The following COL5A2 variants were observed in gnomAD, a reference collection of about 807,000 sequenced individuals.
COL5A2 encodes collagen type V alpha 2 chain, also known as collagen alpha-2(V) chain.
COL5A2 carries 23 observed loss-of-function variants against 208.2 expected under a neutral mutation model. The observed-to-expected ratio is 0.11, with a 90% CI of 0.08 to 0.16. The LOEUF is 0.16. Ranked by LOEUF, COL5A2 falls within the 10% of genes least tolerant of loss-of-function variation. COL5A2 has a pLI of 1.00. For synonymous variants in COL5A2, 625 were observed against 628.5 expected (o/e 0.99, Z 0.08); for missense variants, 1,590 against 1,956.4 (o/e 0.81, Z 3.53).
chr2:189,139,341 G>A (rs951155373), intron 1 of COL5A2, among the ~76,000 whole-genome samples: 3 of 152,062 alleles, frequency 2.0e-5, no homozygotes, highest in African/African-American at 4.8e-5. Flanking sequence ...GTTGATAGTT[G>A]AGAATGGCAC....
the COL5A2 span, among the ~76,000 whole-genome samples, chr2:189,271,309 T>C: frequency 2.2e-4 from 34 of 151,852 alleles, no homozygotes; most frequent in Non-Finnish European, 3.8e-4. Flanking sequence ...CCAACACAGA[T>C]ATATAGACCA....
chr2:189,053,900 T>G lies in COL5A2; in HGVS notation c.2494A>C (p.Asn832His), dbSNP rs1576496167. 18 of 1,613,742 alleles carry G rather than the reference T, an allele frequency of 1.1e-5. No homozygotes were observed. The highest frequency in any genetic ancestry group is 1.5e-5 in the Non-Finnish European group (18 of 1,179,716). ...ACCAAAATACTGTCACTTACAGGAT[T>G]GCCCCGGGAGCCAGGAGGGCCAACT... ...GLVGPPGSRG[N>H]PGSRGENGPT... Residue 832 changes from asparagine (N) to histidine (H), a missense_variant, in exon 37 of 54, where the codon AAT (asparagine) becomes CAT (histidine). Coordinates refer to ENST00000374866, the MANE Select transcript of COL5A2 (RefSeq NM_000393.5).
chr2:189,102,273 T>C (rs1423198109), intron 3 of COL5A2, among the ~76,000 whole-genome samples: 1 of 152,112 alleles, frequency 6.6e-6, no homozygotes, highest in Non-Finnish European at 1.5e-5. Flanking sequence ...TTGCTTTATA[T>C]GTAGGGGAAT....
chr2:189,313,130 G>A, the COL5A2 span, among the ~76,000 whole-genome samples: 1 of 152,092 alleles, frequency 6.6e-6, no homozygotes, highest in African/African-American at 2.4e-5. Context: ...AAGACTGCCT[G>A]TCTGACAAGA....
the COL5A2 span, chr2:189,311,698 C>T: frequency 1.3e-6 from 1 of 753,676 alleles, no homozygotes. Context: ...CCTCAGTGGA[C>T]TGCATGGTGA....
At chr2:189,209,588 T>C (rs1689186361) in intron 1 of COL5A2, among the ~76,000 whole-genome samples, 1 of 152,198 alleles carries the variant, frequency 6.6e-6, no homozygotes, top group South Asian at 2.1e-4. Flanking sequence ...CCTCAGTCTT[T>C]TGGTTCTAAA....
intron 1 of COL5A2, among the ~76,000 whole-genome samples, chr2:189,218,844 C>T (rs765363785): frequency 2.0e-5 from 3 of 151,566 alleles, no homozygotes; most frequent in African/African-American, 7.3e-5. Flanking sequence ...GATAAATGCA[C>T]GAGATATTCT....
intron 12 of COL5A2, among the ~76,000 whole-genome samples, chr2:189,083,308 G>T (rs982222272): frequency 3.3e-5 from 5 of 152,118 alleles, no homozygotes; most frequent in African/African-American, 1.2e-4. Context: ...TTCAGAGAAC[G>T]GCAAAGGGGC....
the COL5A2 span, among the ~76,000 whole-genome samples, chr2:189,426,519 T>C: frequency 6.6e-6 from 1 of 152,236 alleles, no homozygotes; most frequent in East Asian, 1.9e-4. Context: ...CATATGTTGA[T>C]TGATGTCTCA....
chr2:189,401,620 G>A, the COL5A2 span, among the ~76,000 whole-genome samples: 1 of 152,094 alleles, frequency 6.6e-6, no homozygotes, highest in Non-Finnish European at 1.5e-5. Flanking sequence ...TCTGCCTCTA[G>A]GTCTTTGAGG....
chr2:189,109,146 T>C (rs962130949), intron 2 of COL5A2, among the ~76,000 whole-genome samples: 3 of 151,864 alleles, frequency 2.0e-5, no homozygotes, highest in Non-Finnish European at 4.4e-5. Flanking sequence ...TGAAGGAGAC[T>C]GTATATTTTG....
chr2:189,407,509 T>C, the COL5A2 span, among the ~76,000 whole-genome samples: 34 of 152,170 alleles, frequency 2.2e-4, no homozygotes, highest in African/African-American at 7.5e-4. Context: ...TACTACATTA[T>C]TTGGCTTTGT....
the COL5A2 span, among the ~76,000 whole-genome samples, chr2:189,394,784 A>G: frequency 3.3e-5 from 5 of 152,352 alleles, no homozygotes; most frequent in South Asian, 4.1e-4. Flanking sequence ...AAGGTATACA[A>G]TAAAATGAGG....
At chr2:189,073,180 T>C (rs1461913693) in intron 17 of COL5A2, among the ~76,000 whole-genome samples, 4 of 152,120 alleles carry the variant, frequency 2.6e-5, no homozygotes, top group African/African-American at 9.7e-5. Context: ...ATCATGAATA[T>C]TTCCTACAAT....
chr2:189,114,815 A>G (rs961386260), intron 1 of COL5A2, among the ~76,000 whole-genome samples: 1 of 152,036 alleles, frequency 6.6e-6, no homozygotes, highest in Non-Finnish European at 1.5e-5. Context: ...ACGTTTACCT[A>G]TGTAACAAAC....
the COL5A2 span, among the ~76,000 whole-genome samples, chr2:189,337,917 T>C: frequency 6.6e-6 from 1 of 152,170 alleles, no homozygotes; most frequent in Non-Finnish European, 1.5e-5. Context: ...CAGTAGACAG[T>C]GTTTGAAGGA....
At position 189,084,045 on chromosome 2, in the gene COL5A2, G is replaced by GA. The variant is rs1169314276; in HGVS notation, c.799-9dup. The GA allele has an allele frequency of 3.7e-6, 6 of 1,609,998 alleles. No individual in the cohort carries two copies. Among genetic ancestry groups the GA allele is most frequent in the Non-Finnish European group, 5.1e-6 (6 of 1,176,576 alleles). On this transcript the variant is annotated splice_polypyrimidine_tract_variant and intron_variant, in intron 11 of 53. Transcript: ENST00000374866. ...ATTTCTGCCAGGTTCACCCTTTATG[G>GA]AAAAAAATGTAGGAGATTGGGAAGG...
Position 189,039,458 on chromosome 2 carries a change from G to T in COL5A2, c.3739C>A (p.Pro1247Thr), listed in dbSNP as rs1243023432. 6 of 1,613,960 alleles carry T rather than the reference G, an allele frequency of 3.7e-6. No individual in the cohort carries two copies. The highest frequency in any genetic ancestry group is 5.1e-6 in the Non-Finnish European group (6 of 1,180,028). Residue 1247 changes from proline (P) to threonine (T), a missense_variant, in exon 51 of 54, where the codon CCA becomes ACA. By Grantham distance (38) the Pro-to-Thr change is conservative. Transcript: ENST00000374866. Reference sequence around the variant, plus strand: ...TGATCTTCAGTAAACTCAGGAAGTGGATCTGGCATGCTTTCATCATAGTGC... The same window carrying T: ...TGATCTTCAGTAAACTCAGGAAGTGTATCTGGCATGCTTTCATCATAGTGC... ...MGHYDESMPDPLPEFTEDQAA... is the reference protein window; with the variant it reads ...MGHYDESMPDTLPEFTEDQAA...
chr2:189,132,129 T>C (rs1430935386), intron 1 of COL5A2, among the ~76,000 whole-genome samples: 1 of 152,254 alleles, frequency 6.6e-6, no homozygotes, highest in Non-Finnish European at 1.5e-5. Flanking sequence ...AACATAGTCA[T>C]GGCAAAGTTC....
Sources: gnomAD v4.1 joint callset for allele counts (sites outside exome capture counted in the v4.1 genomes callset) on GRCh38, gnomAD v4.1.1 for gene constraint, MANE v1.5 for transcripts, NCBI Gene and HGNC (gene_info 2026-07-23, HGNC 2026-07-21) for gene names.